NFASC: variants seen among roughly 807,000 people sequenced by gnomAD.
The protein encoded by NFASC is neurofascin.
NFASC carries 43 observed loss-of-function variants against 147.5 expected under a neutral mutation model. The ratio of observed to expected loss-of-function variants is 0.29; its 90% CI spans 0.23 to 0.38. The LOEUF is 0.38. NFASC is among the 10% of genes least tolerant of loss of function. NFASC has a pLI of 1.00. For missense variants in NFASC, 1,320 were observed against 1,689.0 expected, an observed-to-expected ratio of 0.78 and a Z score of 3.83; for synonymous variants, 622 against 665.5, an observed-to-expected ratio of 0.93 and a Z score of 1.01.
chr1:204,881,598 C>A (rs193065622), intron 1 of NFASC, among the ~76,000 whole-genome samples: 9 of 152,214 alleles, frequency 5.9e-5, no homozygotes, highest in Non-Finnish European at 1.2e-4. Flanking sequence ...ACGGGAGACA[C>A]AAGCCCTGCC....
chr1:204,890,682 G>A (rs1406602478), intron 1 of NFASC, among the ~76,000 whole-genome samples: 2 of 151,668 alleles, frequency 1.3e-5, no homozygotes, highest in South Asian at 2.1e-4. Flanking sequence ...CTATTCTCCT[G>A]CCTCAGCCTC....
intron 10 of NFASC, among the ~76,000 whole-genome samples, chr1:204,970,329 T>C: frequency 6.6e-6 from 1 of 151,132 alleles, no homozygotes. Flanking sequence ...AGATAGGCCC[T>C]AACATCCCTT....
At chr1:204,863,668 G>A (rs1018556803) in intron 1 of NFASC, among the ~76,000 whole-genome samples, 1 of 152,018 alleles carries the variant, frequency 6.6e-6, no homozygotes, top group Admixed American at 6.6e-5. Flanking sequence ...TAGCCAACAT[G>A]GTGAACCCCG....
Position 204,954,686 on chromosome 1 carries a change from C to G in NFASC, c.413-143C>G. The G allele has an allele frequency of 4.0e-6, 4 of 1,007,860 alleles. No homozygotes were observed. The highest frequency in any genetic ancestry group is 5.9e-6 in the Non-Finnish European group (4 of 677,680). The allele number at this position is 1,007,860 out of a possible 1,614,324, so 62.4% of individuals were successfully genotyped here. ...AAGGGCGGCCCCTTGAGTAGGCTCACGTGCCCCGTCCCTCTCTCTTGCTCC... is the reference window on the plus strand; with the variant it reads ...AAGGGCGGCCCCTTGAGTAGGCTCAGGTGCCCCGTCCCTCTCTCTTGCTCC... On this transcript the variant is annotated intron_variant, in intron 6 of 29. Transcript: ENST00000339876. This position sits in a 1 kb window ranked among gnomAD's most constrained non-coding sequence, Gnocchi z 5.7.
At chr1:204,918,933 A>G (rs1005625184) in intron 1 of NFASC, among the ~76,000 whole-genome samples, 16 of 152,122 alleles carry the variant, frequency 1.1e-4, no homozygotes, top group Non-Finnish European at 2.2e-4. Context: ...AAATATTTAC[A>G]TAGTCCAAAG....
intron 25 of NFASC, 193 bp downstream of exon 25, chr1:204,997,599 C>G (rs1430849796): frequency 3.0e-6 from 2 of 671,452 alleles, no homozygotes; most frequent in Middle Eastern, 4.9e-4. Context: ...CCAGATCTCC[C>G]CAGCCTGGCC....
chr1:204,997,457 CG>C (rs773231816), intron 25 of NFASC, 51 bp downstream of exon 25: 1 of 1,548,356 alleles, frequency 6.5e-7, no homozygotes, highest in South Asian at 1.2e-5. Context: ...GCCTCCCCAG[CG>C]GCCTCCAGAC....
chr1:204,956,961 C>A (rs1430011496), intron 7 of NFASC, among the ~76,000 whole-genome samples: 5 of 151,542 alleles, frequency 3.3e-5, no homozygotes, highest in Admixed American at 3.3e-4. Context: ...CCAGTTATAT[C>A]ATTAATCAGA....
At chr1:204,834,539 T>G (rs1203496074) in intron 1 of NFASC, among the ~76,000 whole-genome samples, 2 of 151,856 alleles carry the variant, frequency 1.3e-5, no homozygotes, top group Non-Finnish European at 2.9e-5. Flanking sequence ...TCCTCCTCAC[T>G]CCTCCCCTCC....
intron 1 of NFASC, among the ~76,000 whole-genome samples, chr1:204,897,785 G>C (rs1347601198): frequency 6.6e-6 from 1 of 151,946 alleles, no homozygotes; most frequent in Non-Finnish European, 1.5e-5. Context: ...ACCCAGGCTG[G>C]AGTGCAGTGA....
At position 204,974,820 on chromosome 1, in the gene NFASC, A is replaced by G. The variant is rs1423157751; in HGVS notation, c.1555A>G (p.Lys519Glu). ...TGAAAACCAAGTCCGCCTGGAGGTC[A>G]AAGGTAAAGGAGAGGGTTCGCCAGT... ...KAENQVRLEV[K>E]DPTRIYRMPE... Residue 519 changes from lysine to glutamate, a missense_variant, in exon 14 of 30, where the codon AAA becomes GAA. Transcript: ENST00000339876. The G allele has an allele frequency of 1.2e-6, 2 of 1,613,708 alleles. No homozygotes were observed. Among genetic ancestry groups the G allele is most frequent in the Non-Finnish European group, 8.5e-7 (1 of 1,179,876 alleles).
chr1:204,991,018 G>A (rs909509886), intron 23 of NFASC, among the ~76,000 whole-genome samples: 1 of 152,150 alleles, frequency 6.6e-6, no homozygotes, highest in Non-Finnish European at 1.5e-5. Context: ...TCCTTGAATC[G>A]AGGTAGAAAC....
chr1:204,949,559 A>G (rs1304938814), intron 3 of NFASC, among the ~76,000 whole-genome samples: 2 of 152,220 alleles, frequency 1.3e-5, no homozygotes, highest in Non-Finnish European at 2.9e-5. Context: ...ACAGCAACAC[A>G]TGTTCCCTTT....
At chr1:205,006,713 A>C (rs2096119754) in intron 27 of NFASC, among the ~76,000 whole-genome samples, 2 of 152,204 alleles carry the variant, frequency 1.3e-5, no homozygotes, top group South Asian at 4.1e-4. Flanking sequence ...AGAATGGAAC[A>C]GTGAGAGGAA....
chr1:204,958,189 A>G (rs2094510660), intron 8 of NFASC, among the ~76,000 whole-genome samples: 1 of 152,010 alleles, frequency 6.6e-6, no homozygotes, highest in Admixed American at 6.6e-5. Context: ...TTTGAGAACC[A>G]CTGCTTCCAG....
intron 1 of NFASC, among the ~76,000 whole-genome samples, chr1:204,838,298 G>T (rs1366195998): frequency 1.3e-5 from 2 of 152,204 alleles, no homozygotes; most frequent in African/African-American, 4.8e-5. Context: ...TATAGAGTCA[G>T]AATCTTTGAC....
chr1:204,881,151 C>T lies in NFASC; in HGVS notation c.-199-39481C>T, dbSNP rs192989727. On this transcript the variant is annotated intron_variant, in intron 1 of 29. Transcript: ENST00000339876. ...GTCGCTGTGTTCCCCACAATGGTGC[C>T]TCAGCATGGCAGGCAGGGACCGGCT... 3.9e-5 allele frequency among the ~76,000 whole-genome samples: 6 copies of T among 152,326 alleles called. No homozygotes were observed. The East Asian group carries it at 1.2e-3, about 29-fold the overall frequency.
At chr1:204,853,151 A>G (rs1410142286) in intron 1 of NFASC, among the ~76,000 whole-genome samples, 1 of 152,230 alleles carries the variant, frequency 6.6e-6, no homozygotes, top group African/African-American at 2.4e-5. Context: ...ACTGGATGTC[A>G]TTTCTAAAAC....
chr1:204,996,899 G>T (rs182834046), intron 24 of NFASC, among the ~76,000 whole-genome samples: 1 of 152,120 alleles, frequency 6.6e-6, no homozygotes, highest in Non-Finnish European at 1.5e-5. Context: ...TCATCCTCAC[G>T]CATCCTTGGC....
Sources: gnomAD v4.1 joint callset for allele counts (sites outside exome capture counted in the v4.1 genomes callset) on GRCh38, gnomAD v4.1.1 for gene constraint, Gnocchi (gnomAD v3.1) non-coding constraint, MANE v1.5 for transcripts, NCBI Gene and HGNC (gene_info 2026-07-23, HGNC 2026-07-21) for gene names.